The following DLG2 variants were observed in gnomAD, a reference collection of about 807,000 sequenced individuals.
DLG2 encodes discs large MAGUK scaffold protein 2, also known as disks large homolog 2.
DLG2 carries 45 observed loss-of-function variants against 132.5 expected under a neutral mutation model. The ratio of observed to expected loss-of-function variants is 0.34; its 90% CI spans 0.27 to 0.44. DLG2 has a LOEUF of 0.44. Ranked by LOEUF, DLG2 falls within the 20% of genes least tolerant of loss-of-function variation. The pLI is 1.00. For synonymous variants in DLG2, 424 were observed against 419.6 expected (o/e 1.01, Z -0.13); for missense variants, 1,045 against 1,196.9 (o/e 0.87, Z 1.87).
rs549768305 is a variant in DLG2 at position 84,136,858 on chromosome 11, T to TA, written c.624+26602dup. On this transcript the variant is annotated intron_variant, in intron 9 of 27. Transcript: ENST00000376104. ...TGGGAGCTGAAAGATCTATTGCACT[T>TA]ACTCTACTCATACAAAGTAGGAGGT... Among the ~76,000 whole-genome samples, 300 of 152,262 alleles carry TA rather than the reference T, an allele frequency of 2.0e-3. 2 individuals are homozygous for TA. Among genetic ancestry groups the TA allele is most frequent in the African/African-American group, 7.1e-3 (294 of 41,562 alleles).
chr11:85,497,481 G>A (rs1481601482), intron 3 of DLG2, among the ~76,000 whole-genome samples: 1 of 152,144 alleles, frequency 6.6e-6, no homozygotes, highest in Non-Finnish European at 1.5e-5. Context: ...CTGGGAGAAT[G>A]GAACCAAGTT....
rs540417227 is a variant in DLG2, at chr11:84,277,743, A to G, written c.520-26452T>C. Among the ~76,000 whole-genome samples the G allele has an allele frequency of 2.0e-5, 3 of 152,298 alleles. No homozygotes were observed. The South Asian group carries it at 6.2e-4, about 32-fold the overall frequency. On this transcript the variant is annotated intron_variant, in intron 7 of 27. Coordinates refer to ENST00000376104, the MANE Select transcript of DLG2 (RefSeq NM_001142699.3). ...ACAGCACAGAAGATAGAGGAAAACC[A>G]ATGAAAATGAAAGCTGGTTCTTTGA...
intron 11 of DLG2, among the ~76,000 whole-genome samples, chr11:83,987,120 C>T (rs1399412790): frequency 6.6e-6 from 1 of 151,842 alleles, no homozygotes; most frequent in East Asian, 1.9e-4. Flanking sequence ...GTGTTTTAGA[C>T]ATGAAGTGCA....
chr11:84,995,973 T>A (rs1196542420), intron 6 of DLG2, among the ~76,000 whole-genome samples: 2 of 152,200 alleles, frequency 1.3e-5, no homozygotes, highest in African/African-American at 2.4e-5. Context: ...TTAATCTCCT[T>A]TCTATTGACC....
At chr11:84,066,892 CT>C (rs1395743341) in intron 10 of DLG2, among the ~76,000 whole-genome samples, 1 of 152,192 alleles carries the variant, frequency 6.6e-6, no homozygotes, top group Non-Finnish European at 1.5e-5. Flanking sequence ...GTAGTATTCT[CT>C]TTCTTCAAAT....
chr11:84,388,373 G>T (rs1044101718), intron 7 of DLG2, among the ~76,000 whole-genome samples: 5 of 152,056 alleles, frequency 3.3e-5, no homozygotes, highest in Non-Finnish European at 1.5e-5. Context: ...TGCCTACAGG[G>T]GGAAAATTAA....
rs1214991920 is a variant in DLG2 at position 83,458,510 on chromosome 11, T to G, written c.*1308A>C. On this transcript the variant is annotated 3_prime_UTR_variant, in exon 28 of 28. Coordinates refer to ENST00000376104, the MANE Select transcript of DLG2 (RefSeq NM_001142699.3). ...AACCAGACACTTCTCTTCTCTCTCT[T>G]CCTCAAAGAAATAGTGCATCTAGGA... 1 of 152,966 alleles carries G rather than the reference T, an allele frequency of 6.5e-6. No individual in the cohort carries two copies. The highest frequency in any genetic ancestry group is 1.5e-5 in the Non-Finnish European group (1 of 68,348). The allele number at this position is 152,966 out of a possible 1,614,324, so 9.5% of individuals were successfully genotyped here.
intron 16 of DLG2, among the ~76,000 whole-genome samples, chr11:83,834,548 T>C (rs2055562310): frequency 6.6e-6 from 1 of 152,000 alleles, no homozygotes; most frequent in Non-Finnish European, 1.5e-5. Context: ...ATGAGTGGAA[T>C]CCAGGGTCAT....
At chr11:84,940,261 C>G (rs1051070289) in intron 6 of DLG2, among the ~76,000 whole-genome samples, 2 of 152,226 alleles carry the variant, frequency 1.3e-5, no homozygotes, top group African/African-American at 2.4e-5. Context: ...AACGATTCTC[C>G]TGCCTCAGCC....
At chr11:84,717,050 A>G (rs2061318870) in intron 6 of DLG2, among the ~76,000 whole-genome samples, 1 of 152,056 alleles carries the variant, frequency 6.6e-6, no homozygotes, top group Non-Finnish European at 1.5e-5. Flanking sequence ...ACAAAAGAAG[A>G]TAACTTTTGA....
chr11:84,033,129 TAATTTTTAAAAGTCTTATTATTTAAGA>T (rs974483051), intron 11 of DLG2, among the ~76,000 whole-genome samples: 5 of 152,216 alleles, frequency 3.3e-5, no homozygotes, highest in Non-Finnish European at 7.3e-5. Context: ...GGGGTAATTT[TAATTTTTAAAAGTCTTATTATTTAAGA>T]AATACTTTCA....
At chr11:83,718,084 C>G (rs565081187) in intron 18 of DLG2, among the ~76,000 whole-genome samples, 2 of 152,242 alleles carry the variant, frequency 1.3e-5, no homozygotes, top group Admixed American at 1.3e-4. Context: ...GCAGCACATG[C>G]TTTTGGGAGA....
chr11:84,984,808 T>C (rs1466204029), intron 6 of DLG2, among the ~76,000 whole-genome samples: 1 of 152,022 alleles, frequency 6.6e-6, no homozygotes, highest in Non-Finnish European at 1.5e-5. Flanking sequence ...CCATGCAAAT[T>C]GACACCAAAA....
At chr11:84,886,893 C>A (rs1464862257) in intron 6 of DLG2, among the ~76,000 whole-genome samples, 1 of 152,130 alleles carries the variant, frequency 6.6e-6, no homozygotes, top group Non-Finnish European at 1.5e-5. Context: ...TGAAATTAAT[C>A]TTTTTAAACT....
At chr11:83,730,899 C>G (rs1007378800) in intron 18 of DLG2, among the ~76,000 whole-genome samples, 5 of 152,128 alleles carry the variant, frequency 3.3e-5, no homozygotes, top group African/African-American at 1.2e-4. Context: ...TTCTTCCTTT[C>G]TCAGCATGAT....
chr11:85,274,855 G>A (rs1019391972), intron 4 of DLG2, among the ~76,000 whole-genome samples: 1 of 152,172 alleles, frequency 6.6e-6, no homozygotes, highest in Non-Finnish European at 1.5e-5. Context: ...TGCACAGAGA[G>A]GCCAAGAATA....
intron 11 of DLG2, among the ~76,000 whole-genome samples, chr11:84,015,435 G>A (rs1049359275): frequency 6.6e-6 from 1 of 152,098 alleles, no homozygotes; most frequent in Non-Finnish European, 1.5e-5. Flanking sequence ...TGTTACATAG[G>A]TAACGGTGTG....
intron 10 of DLG2, among the ~76,000 whole-genome samples, chr11:84,092,295 A>T (rs1021581664): frequency 6.6e-6 from 1 of 152,238 alleles, no homozygotes; most frequent in African/African-American, 2.4e-5. Context: ...GCATTCTGCT[A>T]AATAGCTGGC....
At chr11:85,156,435 T>C (rs562169290) in intron 4 of DLG2, among the ~76,000 whole-genome samples, 4 of 152,310 alleles carry the variant, frequency 2.6e-5, no homozygotes, top group African/African-American at 9.6e-5. Flanking sequence ...ATGAACAAAC[T>C]GAGAAGATGT....
Sources: allele counts gnomAD v4.1 joint callset (sites outside exome capture counted in the v4.1 genomes callset), GRCh38; gene constraint gnomAD v4.1.1; transcripts MANE v1.5; gene names NCBI Gene and HGNC (gene_info 2026-07-23, HGNC 2026-07-21).